HSD17B14: variants seen among roughly 807,000 people sequenced by gnomAD.
HSD17B14 encodes the protein hydroxysteroid 17-beta dehydrogenase 14.
Under a neutral mutation model 32.2 loss-of-function variants are expected in HSD17B14, and 32 were observed. That is an observed-to-expected ratio of 0.99 (90% CI 0.75 to 1.33). The LOEUF (loss-of-function observed/expected upper bound fraction) is 1.33, where lower values mean the gene tolerates loss of function less well. HSD17B14 is among the 40% of genes most tolerant of loss of function. The pLI is 0.00. For missense variants in HSD17B14, 370 were observed against 366.5 expected, an observed-to-expected ratio of 1.01 and a Z score of -0.08; for synonymous variants, 140 against 155.4, an observed-to-expected ratio of 0.90 and a Z score of 0.74.
At chr19:48,832,559 A>G (rs1024720325) in intron 4 of HSD17B14, 107 bp downstream of exon 4, 2 of 960,216 alleles carry the variant, frequency 2.1e-6, no homozygotes, top group African/African-American at 3.2e-5. Flanking sequence ...AGAAAGAGGT[A>G]TGAGGCAGGA....
intron 5 of HSD17B14, 137 bp downstream of exon 5, chr19:48,831,531 C>T (rs919383129): frequency 3.8e-5 from 27 of 705,618 alleles, no homozygotes; most frequent in African/African-American, 8.8e-5. Context: ...CCAGCCTGGG[C>T]GACAGAGAGA....
intron 5 of HSD17B14, among the ~76,000 whole-genome samples, chr19:48,818,203 C>T (rs2035087522): frequency 6.6e-6 from 1 of 150,600 alleles, no homozygotes; most frequent in South Asian, 2.1e-4. Flanking sequence ...CCCAGCTACT[C>T]GGGAGGCTGA....
intron 5 of HSD17B14, among the ~76,000 whole-genome samples, chr19:48,820,128 G>A (rs1017913256): frequency 6.6e-6 from 1 of 151,976 alleles, no homozygotes; most frequent in Non-Finnish European, 1.5e-5. Flanking sequence ...TGGCACTCCA[G>A]CATGGGCAAC....
At chr19:48,820,241 AG>A (rs2035123528) in intron 5 of HSD17B14, among the ~76,000 whole-genome samples, 1 of 151,974 alleles carries the variant, frequency 6.6e-6, no homozygotes, top group Non-Finnish European at 1.5e-5. Context: ...TGGGAGGCCA[AG>A]GCAGGTGGAT....
chr19:48,822,738 ATGG>A (rs1463293149), intron 5 of HSD17B14, among the ~76,000 whole-genome samples: 2 of 151,456 alleles, frequency 1.3e-5, no homozygotes, highest in African/African-American at 4.9e-5. Context: ...ATTGATGGTG[ATGG>A]TGATGATTGT....
intron 5 of HSD17B14, among the ~76,000 whole-genome samples, chr19:48,829,942 C>T (rs1399235844): frequency 6.6e-6 from 1 of 152,028 alleles, no homozygotes; most frequent in African/African-American, 2.4e-5. Flanking sequence ...CATGCCTGGA[C>T]TCCATGCTCT....
chr19:48,824,554 A>T (rs931038279), intron 5 of HSD17B14, among the ~76,000 whole-genome samples: 1 of 151,520 alleles, frequency 6.6e-6, no homozygotes, highest in Non-Finnish European at 1.5e-5. Flanking sequence ...GCGGATCACG[A>T]GGTCAGGAGA....
In HSD17B14 at chr19:48,831,705, A is replaced by C. The variant is rs756907764; in HGVS notation, c.332T>G (p.Leu111Arg). Reference sequence around the variant, plus strand: ...GTACGTCCCCAGTAGGTTCAGCTCCAGCAGCTGGCGGAATCCCTGGGCAGA... The same window carrying C: ...GTACGTCCCCAGTAGGTTCAGCTCCCGCAGCTGGCGGAATCCCTGGGCAGA... ...ETSAQGFRQL[L>R]ELNLLGTYTL... Residue 111 changes from leucine to arginine, a missense_variant, in exon 5 of 9, where the codon CTG becomes CGG. By Grantham distance (102) the Leu-to-Arg change is moderately radical (BLOSUM62 -2). Transcript: ENST00000263278. 14 of 1,613,596 alleles carry C rather than the reference A, an allele frequency of 8.7e-6. No individual in the cohort carries two copies. The African/African-American group carries it at 1.6e-4, about 18-fold the overall frequency.
At chr19:48,813,854 T>C (rs977908819) in intron 6 of HSD17B14, 124 bp from the exon 7 acceptor site, 3 of 1,027,350 alleles carry the variant, frequency 2.9e-6, no homozygotes, top group Non-Finnish European at 4.5e-6. Flanking sequence ...GAAGGCTGCC[T>C]TCAGAGGCAC....
At chr19:48,818,985 CT>C (rs2035101842) in intron 5 of HSD17B14, among the ~76,000 whole-genome samples, 1 of 152,062 alleles carries the variant, frequency 6.6e-6, no homozygotes, top group Non-Finnish European at 1.5e-5. Context: ...CAATCAACTC[CT>C]TTTTTTGTTT....
intron 5 of HSD17B14, among the ~76,000 whole-genome samples, chr19:48,831,139 T>A (rs575152932): frequency 4.9e-4 from 74 of 152,182 alleles, no homozygotes; most frequent in African/African-American, 1.8e-3. Context: ...CTGGCCCCAA[T>A]ATGTTCTTAA....
At chr19:48,820,070 T>C (rs547859950) in intron 5 of HSD17B14, among the ~76,000 whole-genome samples, 18 of 152,214 alleles carry the variant, frequency 1.2e-4, no homozygotes, top group African/African-American at 3.6e-4. Flanking sequence ...GGTGGGAGGA[T>C]TACTTGAGCC....
At chr19:48,824,850 C>G (rs959235193) in intron 5 of HSD17B14, among the ~76,000 whole-genome samples, 2 of 151,770 alleles carry the variant, frequency 1.3e-5, no homozygotes, top group Non-Finnish European at 2.9e-5. Context: ...CTGTACTATT[C>G]TAGGAATATT....
chr19:48,816,779 T>TTTTCTTTTTCTTTC (rs1555775883), intron 5 of HSD17B14, among the ~76,000 whole-genome samples: 4 of 122,180 alleles, frequency 3.3e-5, no homozygotes, highest in South Asian at 2.7e-4. Flanking sequence ...GCAAGACCCT[T>TTTTCTTTTTCTTTC]TTTCTTTCTT....
Position 48,813,728 on chromosome 19 carries a change from C to T in HSD17B14, c.477G>A (p.Gly159=), listed in dbSNP as rs2122728443. 3 of 1,614,152 alleles carry T rather than the reference C, an allele frequency of 1.9e-6. No individual in the cohort carries two copies. The highest frequency in any genetic ancestry group is 4.5e-5 in the East Asian group (2 of 44,884). The part of the protein sequence containing the change: ...AQAVPYVATK[G]AVTAMTKALA... Reference sequence around the variant, plus strand: ...AAGCTTTGGTCATGGCTGTTACTGCCCCCTGCAGGAAATGGAGCGGGGAAG... The same window carrying T: ...AAGCTTTGGTCATGGCTGTTACTGCTCCCTGCAGGAAATGGAGCGGGGAAG... Residue 159 remains glycine, a splice_region_variant and synonymous_variant, in exon 7 of 9, where the codon GGG becomes GGA. Coordinates refer to ENST00000263278, the MANE Select transcript of HSD17B14 (RefSeq NM_016246.3).
At chr19:48,815,257 T>A in intron 5 of HSD17B14, 116 bp from the exon 6 acceptor site, 1 of 759,374 alleles carries the variant, frequency 1.3e-6, no homozygotes, top group Non-Finnish European at 2.3e-6. Context: ...GGCATGTTTC[T>A]AGTTGATCTC....
intron 5 of HSD17B14, among the ~76,000 whole-genome samples, chr19:48,826,996 G>A (rs929037158): frequency 1.3e-5 from 2 of 151,868 alleles, no homozygotes; most frequent in African/African-American, 2.4e-5. Context: ...AGCTCTGTCC[G>A]GTCAGTTGCT....
intron 6 of HSD17B14, among the ~76,000 whole-genome samples, chr19:48,814,410 T>C (rs747340355): frequency 2.0e-5 from 3 of 151,708 alleles, no homozygotes; most frequent in African/African-American, 4.8e-5. Context: ...TAATCTCAGC[T>C]ACTTGGGAGG....
At chr19:48,815,003 T>A (rs1289333327) in intron 6 of HSD17B14, 34 bp downstream of exon 6, 2 of 1,510,874 alleles carry the variant, frequency 1.3e-6, no homozygotes, top group African/African-American at 2.8e-5. Flanking sequence ...TGGGAAGGAG[T>A]AGGGAGGGAA....
Sources: allele counts gnomAD v4.1 joint callset (sites outside exome capture counted in the v4.1 genomes callset), GRCh38; gene constraint gnomAD v4.1.1; transcripts MANE v1.5; gene names NCBI Gene and HGNC (gene_info 2026-07-23, HGNC 2026-07-21).